Variants in USP32 observed in about 807,000 individuals in gnomAD.
USP32 encodes the protein ubiquitin specific peptidase 32, also known as ubiquitin carboxyl-terminal hydrolase 32.
A neutral mutation model predicts 204.8 loss-of-function variants in USP32; 59 were observed. That is an observed-to-expected ratio of 0.29 (90% CI 0.23 to 0.36). The LOEUF (loss-of-function observed/expected upper bound fraction) is 0.36, where lower values mean the gene tolerates loss of function less well. Among genes scored for constraint, USP32 ranks in the 10% least tolerant of loss-of-function variants. The pLI, the probability that USP32 is intolerant of heterozygous loss-of-function variation, is 1.00. For missense variants in USP32, 1,160 were observed against 1,946.4 expected, an observed-to-expected ratio of 0.60 and a Z score of 7.60; for synonymous variants, 517 against 678.4, an observed-to-expected ratio of 0.76 and a Z score of 3.70.
chr17:60,178,856 C>CA lies in USP32; in HGVS notation c.*398dup, dbSNP rs1303295969. ...AGCATATCATGTCGTCCCTAGACAA[C>CA]ATTATAATTGTTTGTTTTTTACTCT... On this transcript the variant is annotated 3_prime_UTR_variant, in exon 34 of 34. Coordinates refer to ENST00000300896, the MANE Select transcript of USP32 (RefSeq NM_032582.4). 6.6e-6 allele frequency among the ~76,000 whole-genome samples: 1 copy of CA among 152,182 alleles called. No homozygotes were observed. The highest frequency in any genetic ancestry group is 1.5e-5 in the Non-Finnish European group (1 of 68,042).
intron 1 of USP32, among the ~76,000 whole-genome samples, chr17:60,413,312 G>A (rs1160856902): frequency 6.6e-6 from 1 of 152,140 alleles, no homozygotes; most frequent in Non-Finnish European, 1.5e-5. Context: ...AGCAGTGAAA[G>A]AAAGTGAGGA....
chr17:60,388,289 T>TACACACACACACACACAC (rs35068599), intron 1 of USP32, among the ~76,000 whole-genome samples: 3,382 of 141,896 alleles, frequency 0.024, 87 homozygotes, highest in African/African-American at 0.054. Flanking sequence ...AGCCGATTCT[T>TACACACACACACACACAC]ACACACACAC....
chr17:60,215,563 T>C (rs2085080149), intron 16 of USP32, among the ~76,000 whole-genome samples: 1 of 152,084 alleles, frequency 6.6e-6, no homozygotes, highest in Non-Finnish European at 1.5e-5. Flanking sequence ...TGGATTCACC[T>C]GGTCCACTTT....
At chr17:60,413,642 G>T (rs1598324313) in intron 1 of USP32, among the ~76,000 whole-genome samples, 1 of 151,994 alleles carries the variant, frequency 6.6e-6, no homozygotes, top group Non-Finnish European at 1.5e-5. Flanking sequence ...AAGGTGAGCA[G>T]ATCACGAGGT....
Position 60,294,818 on chromosome 17 carries a change from T to G in USP32, c.293-17A>C, listed in dbSNP as rs983918573. The G allele has an allele frequency of 6.5e-7, 1 of 1,533,852 alleles. No individual in the cohort carries two copies. Among genetic ancestry groups the G allele is most frequent in the Non-Finnish European group, 9.0e-7 (1 of 1,113,040 alleles). On this transcript the variant is annotated splice_polypyrimidine_tract_variant and intron_variant, in intron 3 of 33. Transcript: ENST00000300896. Reference sequence around the variant, plus strand: ...TAAAAATGTCTAAGAAAAAGAAAGATAGAATAAATTAATCTTAACAAAGAC... The same window carrying G: ...TAAAAATGTCTAAGAAAAAGAAAGAGAGAATAAATTAATCTTAACAAAGAC...
At chr17:60,293,720 G>T (rs181427749) in intron 4 of USP32, among the ~76,000 whole-genome samples, 15 of 152,294 alleles carry the variant, frequency 9.8e-5, no homozygotes, top group Admixed American at 9.8e-4. Context: ...TACATGCAAA[G>T]GCTGAAATAT....
chr17:60,319,884 A>C lies in USP32; in HGVS notation c.187-18180T>G, dbSNP rs867121848. Among the ~76,000 whole-genome samples the C allele has an allele frequency of 1.2e-4, 19 of 152,368 alleles. 1 individual carries two copies. In the Middle Eastern group the frequency reaches 0.017, roughly 136 times the overall value. ...ATTATAAATAATCTAGAGATGATTT[A>C]AAGTATACGGGGGTGAGGGGTGTGT... On this transcript the variant is annotated intron_variant, in intron 2 of 33. Transcript: ENST00000300896.
At position 60,181,643 on chromosome 17, in the gene USP32, C is replaced by T. The variant is rs762529802; in HGVS notation, c.4229G>A (p.Arg1410Gln). Residue 1410 changes from arginine to glutamine, a missense_variant, in exon 32 of 34, where the codon CGG becomes CAG. Arg to Gln is a conservative substitution (Grantham distance 43). This residue lies in a region of USP32 where 244 missense variants were observed against 342.3 expected (regional missense o/e 0.71). Coordinates refer to ENST00000300896, the MANE Select transcript of USP32 (RefSeq NM_032582.4). Reference protein sequence around the residue: ...RTLGRSKGRLRLPQIGSKNKL... With the variant: ...RTLGRSKGRLQLPQIGSKNKL... Reference sequence around the variant, plus strand: ...ATTTTTGCTGCCAATCTGGGGCAGCCGGAGCCTCCCTTTGCTCCTCCCCAA... The same window carrying T: ...ATTTTTGCTGCCAATCTGGGGCAGCTGGAGCCTCCCTTTGCTCCTCCCCAA... 112 of 1,613,710 alleles carry T rather than the reference C, an allele frequency of 6.9e-5. No individual in the cohort carries two copies. Among genetic ancestry groups the T allele is most frequent in the Non-Finnish European group, 9.0e-5 (106 of 1,179,854 alleles).
At position 60,209,460 on chromosome 17, in the gene USP32, A is replaced by C; in HGVS notation, c.2508T>G (p.Gly836=). 2 of 1,597,376 alleles carry C rather than the reference A, an allele frequency of 1.3e-6. No homozygotes were observed. Among genetic ancestry groups the C allele is most frequent in the Non-Finnish European group, 1.7e-6 (2 of 1,174,352 alleles). Residue 836 remains glycine, a synonymous_variant, in exon 22 of 34, where the codon GGT becomes GGG. Transcript: ENST00000300896. ...GGACTCGATTAAGATCTTCATGAAGACCATCCAAGAGAAAAGCCAGAAGTT... is the reference window on the plus strand; with the variant it reads ...GGACTCGATTAAGATCTTCATGAAGCCCATCCAAGAGAAAAGCCAGAAGTT... ...SQELLAFLLD[G]LHEDLNRVHE...
At chr17:60,258,774 T>C (rs537462861) in intron 9 of USP32, among the ~76,000 whole-genome samples, 1 of 152,338 alleles carries the variant, frequency 6.6e-6, no homozygotes, top group Admixed American at 6.5e-5. Context: ...TGATTGAAGA[T>C]AAATTGCCAT....
chr17:60,193,107 C>T (rs930300350), intron 27 of USP32, among the ~76,000 whole-genome samples, 177 bp from the exon 28 acceptor site: 1 of 152,236 alleles, frequency 6.6e-6, no homozygotes, highest in Non-Finnish European at 1.5e-5. Context: ...ACCAAATACA[C>T]TCTGGCTTCC....
chr17:60,210,145 G>GT (rs2084923564), intron 21 of USP32, among the ~76,000 whole-genome samples: 1 of 151,936 alleles, frequency 6.6e-6, no homozygotes, highest in Admixed American at 6.6e-5. Context: ...CTGGCAAGAG[G>GT]TAAGTAGTCA....
intron 33 of USP32, 72 bp downstream of exon 33, chr17:60,180,473 A>G (rs2084078752): frequency 2.0e-6 from 3 of 1,492,066 alleles, no homozygotes; most frequent in Non-Finnish European, 2.8e-6. Flanking sequence ...ATAGTCCATT[A>G]TTTCAACAAA....
intron 9 of USP32, among the ~76,000 whole-genome samples, chr17:60,262,476 GC>G (rs1211178567): frequency 7.2e-5 from 11 of 152,194 alleles, no homozygotes; most frequent in Non-Finnish European, 1.2e-4. Context: ...ACAGGCGTGA[GC>G]CACCATGCCC....
intron 11 of USP32, among the ~76,000 whole-genome samples, chr17:60,246,189 C>G (rs1241771627): frequency 6.6e-6 from 1 of 151,984 alleles, no homozygotes; most frequent in Non-Finnish European, 1.5e-5. Context: ...CCTGCCCTTG[C>G]CAGCCTCTGA....
intron 1 of USP32, among the ~76,000 whole-genome samples, chr17:60,362,440 T>C (rs2089228896): frequency 6.6e-6 from 1 of 152,204 alleles, no homozygotes; most frequent in South Asian, 2.1e-4. Flanking sequence ...TATGCCACTA[T>C]AAAATTAACA....
At chr17:60,382,604 C>T (rs1377193886) in intron 1 of USP32, among the ~76,000 whole-genome samples, 1 of 152,046 alleles carries the variant, frequency 6.6e-6, no homozygotes, top group African/African-American at 2.4e-5. Context: ...AATTTAAAAT[C>T]ACCTGGATTA....
At chr17:60,361,912 G>A (rs2089215173) in intron 1 of USP32, among the ~76,000 whole-genome samples, 1 of 152,074 alleles carries the variant, frequency 6.6e-6, no homozygotes, top group Admixed American at 6.5e-5. Flanking sequence ...TTAACACAAA[G>A]ATATAGTGTT....
intron 1 of USP32, among the ~76,000 whole-genome samples, chr17:60,354,329 G>C (rs1398763357): frequency 5.9e-5 from 9 of 152,090 alleles, no homozygotes; most frequent in Non-Finnish European, 1.3e-4. Context: ...CATGCATTCT[G>C]ATTTCTGTTA....
Sources: gnomAD v4.1 joint callset for allele counts (sites outside exome capture counted in the v4.1 genomes callset) on GRCh38, gnomAD v4.1.1 for gene constraint, gnomAD v4.1.1 regional missense constraint, MANE v1.5 for transcripts, NCBI Gene and HGNC (gene_info 2026-07-23, HGNC 2026-07-21) for gene names.